Variants in ATP9B observed in about 807,000 individuals in gnomAD.
ATP9B encodes the protein ATPase phospholipid transporting 9B, also known as probable phospholipid-transporting ATPase IIB.
In ATP9B, 110 loss-of-function variants were observed where a neutral mutation model predicts 146.1. The ratio of observed to expected loss-of-function variants is 0.75; its 90% CI spans 0.65 to 0.88. The LOEUF (loss-of-function observed/expected upper bound fraction) is 0.88, where lower values mean the gene tolerates loss of function less well. Among genes scored for constraint, ATP9B ranks in the 40% least tolerant of loss-of-function variants. The probability of loss-of-function intolerance (pLI) is 0.00; values close to 1 mark genes in which losing one functional copy is unlikely to be tolerated. For synonymous variants in ATP9B, 604 were observed against 569.7 expected (o/e 1.06, Z -0.86); for missense variants, 1,499 against 1,496.4 (o/e 1.00, Z -0.03).
intron 29 of ATP9B, chr18:79,376,073 C>T: frequency 1.0e-6 from 1 of 984,718 alleles, no homozygotes; most frequent in South Asian, 4.7e-5. Flanking sequence ...GGGCTCAGAG[C>T]CTCTAAGAGC....
intron 11 of ATP9B, among the ~76,000 whole-genome samples, chr18:79,220,005 C>G (rs2095662761): frequency 6.6e-6 from 1 of 152,124 alleles, no homozygotes; most frequent in Admixed American, 6.5e-5. Flanking sequence ...CAGGATATGG[C>G]TGTTCTGAGG....
chr18:79,177,432 G>A (rs2095190188), intron 8 of ATP9B, among the ~76,000 whole-genome samples: 1 of 151,572 alleles, frequency 6.6e-6, no homozygotes, highest in South Asian at 2.1e-4. Context: ...TGTAGAGATG[G>A]GGGTCTTGCT....
chr18:79,342,712 A>C (rs568346782), intron 20 of ATP9B, among the ~76,000 whole-genome samples: 38 of 152,208 alleles, frequency 2.5e-4, no homozygotes, highest in African/African-American at 9.1e-4. Flanking sequence ...GTTCAGAAGT[A>C]TTTTTTGCTT....
At chr18:79,148,171 T>C (rs1436359074) in intron 6 of ATP9B, among the ~76,000 whole-genome samples, 1 of 151,632 alleles carries the variant, frequency 6.6e-6, no homozygotes, top group Non-Finnish European at 1.5e-5. Flanking sequence ...AATTAGTAAT[T>C]TAAAGCTCTA....
intron 11 of ATP9B, among the ~76,000 whole-genome samples, chr18:79,228,256 A>C (rs971536829): frequency 6.6e-6 from 1 of 152,070 alleles, no homozygotes; most frequent in Non-Finnish European, 1.5e-5. Context: ...GTTGTACCAG[A>C]CTCCTCTGCC....
intron 4 of ATP9B, among the ~76,000 whole-genome samples, chr18:79,118,625 C>A (rs1207199798): frequency 6.6e-6 from 1 of 151,856 alleles, no homozygotes; most frequent in African/African-American, 2.4e-5. Flanking sequence ...TGGTCTCGAT[C>A]TCCTGACCTC....
chr18:79,325,008 G>T (rs1313461137), intron 15 of ATP9B, among the ~76,000 whole-genome samples: 1 of 152,192 alleles, frequency 6.6e-6, no homozygotes, highest in Admixed American at 6.5e-5. Context: ...GAGCCATGTG[G>T]GGAAGATGAA....
chr18:79,180,096 G>A (rs1399708942), intron 8 of ATP9B, among the ~76,000 whole-genome samples: 1 of 151,752 alleles, frequency 6.6e-6, no homozygotes, highest in African/African-American at 2.4e-5. Flanking sequence ...TTTTAAATTA[G>A]TATTTACATG....
At chr18:79,071,638 T>C (rs1290999304) in intron 1 of ATP9B, among the ~76,000 whole-genome samples, 1 of 152,004 alleles carries the variant, frequency 6.6e-6, no homozygotes, top group Non-Finnish European at 1.5e-5. Flanking sequence ...CCCAGAGTGT[T>C]AGGATTAAGG....
At chr18:79,120,490 G>A (rs2094169907) in intron 4 of ATP9B, among the ~76,000 whole-genome samples, 1 of 152,050 alleles carries the variant, frequency 6.6e-6, no homozygotes, top group Non-Finnish European at 1.5e-5. Flanking sequence ...TTAGCTTTAG[G>A]TCTGAACTAA....
chr18:79,201,328 C>G (rs1283986357), intron 9 of ATP9B, among the ~76,000 whole-genome samples: 1 of 152,136 alleles, frequency 6.6e-6, no homozygotes, highest in Non-Finnish European at 1.5e-5. Context: ...AAATGGAATT[C>G]AGTTAAATTC....
At chr18:79,085,923 C>G (rs2073779955) in intron 1 of ATP9B, 1 of 152,004 alleles carries the variant, frequency 6.6e-6, no homozygotes, top group Admixed American at 6.6e-5. Context: ...AGTCTATACA[C>G]AATTTTCTAT....
intron 26 of ATP9B, among the ~76,000 whole-genome samples, chr18:79,369,624 TCAGGA>T: frequency 6.6e-6 from 1 of 151,552 alleles, no homozygotes; most frequent in Non-Finnish European, 1.5e-5. Context: ...GGTTACAGAC[TCAGGA>T]CAGGAGTCCT....
chr18:79,085,896 C>T (rs1275543148), intron 1 of ATP9B: 1 of 152,010 alleles, frequency 6.6e-6, no homozygotes, highest in South Asian at 2.1e-4. Flanking sequence ...TTTTTTAATA[C>T]TAGATTTCTC....
At chr18:79,077,401 T>C (rs1010897695) in intron 1 of ATP9B, among the ~76,000 whole-genome samples, 1 of 152,086 alleles carries the variant, frequency 6.6e-6, no homozygotes, top group Non-Finnish European at 1.5e-5. Context: ...TAACAATACC[T>C]TGGCTGGGAA....
In ATP9B at chr18:79,091,543, T is replaced by C. The variant is rs541048696; in HGVS notation, c.120-4933T>C. Among the ~76,000 whole-genome samples, 43 of 152,328 alleles carry C rather than the reference T, an allele frequency of 2.8e-4. 1 individual carries two copies. The South Asian group carries it at 8.7e-3, about 31-fold the overall frequency. On this transcript the variant is annotated intron_variant, in intron 1 of 29. Transcript: ENST00000426216. Reference sequence around the variant, plus strand: ...AGGTATTTAATTTTATGTGTGGCTATTGTAAATGGGATTACTTTTAAAATT... The same window carrying C: ...AGGTATTTAATTTTATGTGTGGCTACTGTAAATGGGATTACTTTTAAAATT...
intron 6 of ATP9B, among the ~76,000 whole-genome samples, chr18:79,147,551 G>A (rs113389555): frequency 9.2e-5 from 3 of 32,664 alleles, no homozygotes; most frequent in Admixed American, 2.1e-4. Context: ...ACTCTAAAAC[G>A]TGGAAAGTGA....
At chr18:79,302,033 G>T (rs899762817) in intron 13 of ATP9B, among the ~76,000 whole-genome samples, 1 of 152,162 alleles carries the variant, frequency 6.6e-6, no homozygotes, top group Non-Finnish European at 1.5e-5. Context: ...CATGAAAATA[G>T]TTTGGGTTAT....
At chr18:79,081,999 T>G (rs2073317611) in intron 1 of ATP9B, among the ~76,000 whole-genome samples, 1 of 152,168 alleles carries the variant, frequency 6.6e-6, no homozygotes, top group Non-Finnish European at 1.5e-5. Flanking sequence ...TCCTGCAGAG[T>G]GTTTTCCAAC....
Sources: allele counts gnomAD v4.1 joint callset (sites outside exome capture counted in the v4.1 genomes callset), GRCh38; gene constraint gnomAD v4.1.1; transcripts MANE v1.5; gene names NCBI Gene and HGNC (gene_info 2026-07-23, HGNC 2026-07-21).